COPG1: variants seen among roughly 807,000 people sequenced by gnomAD.
COPG1 encodes coat protein complex I subunit gamma 1.
A neutral mutation model predicts 102.8 loss-of-function variants in COPG1; 29 were observed. The observed-to-expected ratio is 0.28, with a 90% CI of 0.21 to 0.38. The LOEUF is 0.38. COPG1 is among the 10% of genes least tolerant of loss of function. COPG1 has a pLI of 1.00. For missense variants in COPG1, 875 were observed against 1,132.7 expected (o/e 0.77, Z 3.27); for synonymous variants, 406 against 421.6 (o/e 0.96, Z 0.45).
chr3:129,250,732 G>A lies in COPG1; in HGVS notation c.88G>A (p.Glu30Lys), dbSNP rs1411585227. The A allele has an allele frequency of 1.9e-6, 3 of 1,613,574 alleles. No individual in the cohort carries two copies. The highest frequency in any genetic ancestry group is 2.7e-5 in the African/African-American group (2 of 74,828). ...CCTTGAGAAGAGTGCGGTACTCCAG[G>A]AGGCAAGTGACATTTGCTCCCCTCT... ...QHLEKSAVLQ[E>K]ARVFNETPIN... Residue 30 changes from glutamate to lysine, a missense_variant and splice_region_variant, in exon 2 of 24, where the codon GAG becomes AAG. By Grantham distance (56) the Glu-to-Lys change is moderately conservative. Coordinates refer to ENST00000314797, the MANE Select transcript of COPG1 (RefSeq NM_016128.4).
chr3:129,274,461 A>T (rs763447270), intron 21 of COPG1, among the ~76,000 whole-genome samples: 1 of 152,172 alleles, frequency 6.6e-6, no homozygotes, highest in Non-Finnish European at 1.5e-5. Flanking sequence ...TGAAGAGCTC[A>T]TCATCCCCTA....
chr3:129,253,005 C>A (rs1224584069), intron 5 of COPG1, 50 bp downstream of exon 5: 18 of 1,509,514 alleles, frequency 1.2e-5, no homozygotes, highest in Non-Finnish European at 1.6e-5. Flanking sequence ...CATTGACAGA[C>A]CATTTTTTTC....
chr3:129,262,715 C>T (rs1459847873), intron 12 of COPG1, among the ~76,000 whole-genome samples: 37 of 139,408 alleles, frequency 2.7e-4, no homozygotes, highest in African/African-American at 1.1e-3. Context: ...AGAGTGAGAC[C>T]TTGTCTGAAA....
chr3:129,272,491 A>T, intron 20 of COPG1, 76 bp downstream of exon 20: 1 of 1,234,994 alleles, frequency 8.1e-7, no homozygotes, highest in Non-Finnish European at 1.1e-6. Context: ...GCTGGGCACC[A>T]GCTGTTTGCC....
At position 129,255,028 on chromosome 3, in the gene COPG1, T is replaced by G; in HGVS notation, c.443T>G (p.Ile148Ser). Residue 148 changes from isoleucine to serine, a missense_variant, in exon 7 of 24, where the codon ATT (isoleucine) becomes AGT (serine). By Grantham distance (142) the Ile-to-Ser change is moderately radical (BLOSUM62 -2). Transcript: ENST00000314797. ...QAIERYMKQA[I>S]VDKVPSVSSS... is the part of the protein sequence containing the mutation. Reference sequence around the variant, plus strand: ...ATTGAGCGCTACATGAAACAAGCCATTGTGGACAAGGTGCCCAGTGTCTCC... The same window carrying G: ...ATTGAGCGCTACATGAAACAAGCCAGTGTGGACAAGGTGCCCAGTGTCTCC... 6.2e-7 allele frequency: 1 copy of G among 1,614,178 alleles called. No individual in the cohort carries two copies. The highest frequency in any genetic ancestry group is 1.1e-5 in the South Asian group (1 of 91,080).
intron 2 of COPG1, among the ~76,000 whole-genome samples, chr3:129,251,367 T>TA (rs1491469136): frequency 1.5e-5 from 2 of 132,986 alleles, no homozygotes. Context: ...ATTATATATA[T>TA]TTTTTATATA....
At chr3:129,260,926 A>G (rs1163103011) in intron 12 of COPG1, 119 bp downstream of exon 12, 5 of 1,002,066 alleles carry the variant, frequency 5.0e-6, no homozygotes, top group Non-Finnish European at 7.3e-6. Flanking sequence ...TTGAGGACTC[A>G]GAGGAGGCCA....
chr3:129,249,722 T>C lies in COPG1; in HGVS notation c.13T>C (p.Phe5Leu). The C allele has an allele frequency of 6.4e-7, 1 of 1,551,514 alleles. No homozygotes were observed. Among genetic ancestry groups the C allele is most frequent in the South Asian group, 1.2e-5 (1 of 84,038 alleles). The change falls in exon 1 of 24, where the codon TTC becomes CTC. Residue 5 changes from phenylalanine (F) to leucine (L), a missense_variant. Transcript: ENST00000314797. ...CACCGACTCCACTATGTTGAAGAAA[T>C]TCGACAAGAAGGATGAGGAGTCAGG... MLKK[F>L]DKKDEESGGG...
At chr3:129,265,334 C>T (rs957079001) in intron 13 of COPG1, among the ~76,000 whole-genome samples, 3 of 152,138 alleles carry the variant, frequency 2.0e-5, no homozygotes, top group African/African-American at 7.2e-5. Flanking sequence ...TCAAGTGGTC[C>T]ACCCACCTCA....
rs749177061 is a variant in COPG1 at position 129,249,640 on chromosome 3, T to G, written c.-70T>G. The G allele has an allele frequency of 5.9e-6, 9 of 1,529,680 alleles. No homozygotes were observed. In the Admixed American group the frequency reaches 1.2e-4, roughly 20 times the overall value. 94.8% of individuals were successfully genotyped at this position (1,529,680 alleles called of 1,614,324 possible). A position where few individuals can be genotyped will look rare whatever the true frequency, so the allele number is the denominator to read the frequency against. On this transcript the variant is annotated 5_prime_UTR_variant, in exon 1 of 24. Coordinates refer to ENST00000314797, the MANE Select transcript of COPG1 (RefSeq NM_016128.4). ...CCGGAAGTGGTCCCTGTAGAACCAC[T>G]GTGGCACCGCTACTCCGTGCCGCGC...
At chr3:129,261,655 C>A (rs915579895) in intron 12 of COPG1, among the ~76,000 whole-genome samples, 3 of 152,198 alleles carry the variant, frequency 2.0e-5, no homozygotes, top group African/African-American at 7.2e-5. Context: ...TACACTAGCA[C>A]AGGACAATGT....
intron 5 of COPG1, among the ~76,000 whole-genome samples, chr3:129,254,000 CA>C (rs58354730): frequency 0.17 from 12,305 of 73,828 alleles, 417 homozygotes; most frequent in Middle Eastern, 0.32. Flanking sequence ...GACTGCGTCT[CA>C]AAAAAAAAAA....
chr3:129,272,578 AT>A (rs1196672986), intron 20 of COPG1, among the ~76,000 whole-genome samples, 163 bp downstream of exon 20: 352 of 149,858 alleles, frequency 2.3e-3, no homozygotes, highest in African/African-American at 8.4e-3. Context: ...TTCTTTAAAA[AT>A]TTTTTTTTTT....
At chr3:129,253,561 G>A (rs1939741364) in intron 5 of COPG1, among the ~76,000 whole-genome samples, 1 of 152,148 alleles carries the variant, frequency 6.6e-6, no homozygotes, top group Non-Finnish European at 1.5e-5. Context: ...ATTAAGGTAG[G>A]GTGTAATATA....
chr3:129,250,069 G>T (rs149900002), intron 1 of COPG1, among the ~76,000 whole-genome samples: 230 of 152,132 alleles, frequency 1.5e-3, no homozygotes, highest in African/African-American at 5.3e-3. Flanking sequence ...CTTGGGATTC[G>T]CTGGGGCTAC....
chr3:129,263,797 C>A lies in COPG1; in HGVS notation c.1129-107C>A, dbSNP rs549162516. On this transcript the variant is annotated intron_variant, in intron 12 of 23. Coordinates refer to ENST00000314797, the MANE Select transcript of COPG1 (RefSeq NM_016128.4). ...CTGGTCTCCTTGCCCTTGTGTCATG[C>A]CCAAGGCCTGGCCTTACCTAAGGAA... 1.1e-5 allele frequency: 10 copies of A among 904,834 alleles called. No individual in the cohort carries two copies. The South Asian group carries it at 1.4e-4, about 12-fold the overall frequency. 56.1% of individuals were successfully genotyped at this position (904,834 alleles called of 1,614,324 possible).
rs569105485 is a variant in COPG1 at position 129,268,628 on chromosome 3, T to A, written c.1774+8T>A. On this transcript the variant is annotated splice_region_variant and intron_variant, in intron 17 of 23. Coordinates refer to ENST00000314797, the MANE Select transcript of COPG1 (RefSeq NM_016128.4). ...TGGCAGAGCAGAGAACAGGTAACAC[T>A]TATACTCCTCCCAGAGGCCATCAAG... 4 of 1,613,734 alleles carry A rather than the reference T, an allele frequency of 2.5e-6. No homozygotes were observed. The highest frequency in any genetic ancestry group is 2.2e-5 in the East Asian group (1 of 44,890).
chr3:129,265,872 G>C (rs1412748738), intron 14 of COPG1, 80 bp downstream of exon 14: 2 of 1,407,460 alleles, frequency 1.4e-6, no homozygotes, highest in African/African-American at 2.8e-5. Context: ...TGAGCCTCCA[G>C]TGGGGATTTG....
At chr3:129,274,588 G>T (rs986474679) in intron 21 of COPG1, among the ~76,000 whole-genome samples, 1 of 152,208 alleles carries the variant, frequency 6.6e-6, no homozygotes, top group African/African-American at 2.4e-5. Context: ...ACAGCAGGCG[G>T]CTCTAGGCTG....
Sources: allele counts gnomAD v4.1 joint callset (sites outside exome capture counted in the v4.1 genomes callset), GRCh38; gene constraint gnomAD v4.1.1; transcripts MANE v1.5; gene names NCBI Gene and HGNC (gene_info 2026-07-23, HGNC 2026-07-21).